SMG6: variants seen among roughly 807,000 people sequenced by gnomAD.
SMG6 encodes the protein SMG6 nonsense mediated mRNA decay factor.
Under a neutral mutation model 142.2 loss-of-function variants are expected in SMG6, and 66 were observed. The observed-to-expected ratio is 0.46, with a 90% CI of 0.38 to 0.57. The LOEUF (loss-of-function observed/expected upper bound fraction) is 0.57. SMG6 is among the 20% of genes least tolerant of loss of function. The pLI is 0.00. For missense variants in SMG6, 1,793 were observed against 1,832.0 expected (o/e 0.98, Z 0.39); for synonymous variants, 779 against 702.4 (o/e 1.11, Z -1.72).
intron 10 of SMG6, among the ~76,000 whole-genome samples, chr17:2,197,917 T>C (rs1483811904): frequency 6.6e-6 from 1 of 152,232 alleles, no homozygotes; most frequent in East Asian, 1.9e-4. Context: ...GGAAAATAGT[T>C]TGGCAGTTTC....
At chr17:2,166,105 G>A (rs375857474) in intron 13 of SMG6, among the ~76,000 whole-genome samples, 1 of 151,986 alleles carries the variant, frequency 6.6e-6, no homozygotes. Flanking sequence ...ACAGCTACTC[G>A]GGAGGCTGAG....
chr17:2,226,726 A>C (rs989928541), intron 10 of SMG6, among the ~76,000 whole-genome samples: 6 of 151,906 alleles, frequency 3.9e-5, no homozygotes, highest in African/African-American at 1.5e-4. Flanking sequence ...GAAACCCCGT[A>C]TCTACTAAAA....
At chr17:2,212,082 G>C (rs551278833) in intron 10 of SMG6, among the ~76,000 whole-genome samples, 1 of 152,168 alleles carries the variant, frequency 6.6e-6, no homozygotes, top group African/African-American at 2.4e-5. Flanking sequence ...TAATGCCAGC[G>C]TGTCTGTTTG....
At chr17:2,111,302 A>T (rs1283250389) in intron 13 of SMG6, among the ~76,000 whole-genome samples, 1 of 152,158 alleles carries the variant, frequency 6.6e-6, no homozygotes, top group African/African-American at 2.4e-5. Context: ...CAGGGTGGGG[A>T]AGAGTATTGC....
At chr17:2,088,850 A>C (rs2068637348) in intron 13 of SMG6, 1 of 985,174 alleles carries the variant, frequency 1.0e-6, no homozygotes, top group African/African-American at 1.7e-5. Context: ...GGGGGGAATA[A>C]GCCCACTGGG....
chr17:2,103,228 ATCGT>A (rs1391060791), intron 13 of SMG6, among the ~76,000 whole-genome samples: 2 of 152,138 alleles, frequency 1.3e-5, no homozygotes, highest in African/African-American at 4.8e-5. Context: ...GGAGGAAAGG[ATCGT>A]TCTGCCACTG....
At chr17:2,230,739 A>G (rs752296720) in intron 10 of SMG6, among the ~76,000 whole-genome samples, 28 of 152,188 alleles carry the variant, frequency 1.8e-4, no homozygotes, top group Admixed American at 3.3e-4. Flanking sequence ...TCTCCCCCAC[A>G]GGGAAAGAGG....
chr17:2,236,745 ACACACAC>A (rs865807082), intron 9 of SMG6, 108 bp from the exon 10 acceptor site: 1 of 843,544 alleles, frequency 1.2e-6, no homozygotes, highest in Non-Finnish European at 1.6e-6. Context: ...ACACACACAC[ACACACAC>A]CAGACAACTA....
chr17:2,082,136 C>T (rs2068442170), intron 14 of SMG6, 180 bp from the exon 15 acceptor site: 1 of 609,678 alleles, frequency 1.6e-6, no homozygotes, highest in African/African-American at 1.9e-5. Flanking sequence ...CAAAAGCTGT[C>T]ACTCTTCCCC....
intron 10 of SMG6, among the ~76,000 whole-genome samples, chr17:2,189,220 C>T (rs1212317576): frequency 2.0e-5 from 3 of 152,188 alleles, no homozygotes; most frequent in South Asian, 2.1e-4. Flanking sequence ...ACCCTCTTCC[C>T]GTCACTTTTT....
chr17:2,121,854 G>C (rs2069712654), intron 13 of SMG6, among the ~76,000 whole-genome samples: 1 of 151,764 alleles, frequency 6.6e-6, no homozygotes, highest in African/African-American at 2.4e-5. Context: ...CTTTTCTTTT[G>C]AGATAGTCTC....
At chr17:2,207,089 T>C (rs534212115) in intron 10 of SMG6, among the ~76,000 whole-genome samples, 2 of 123,094 alleles carry the variant, frequency 1.6e-5, no homozygotes, top group South Asian at 2.5e-4. Flanking sequence ...CTGGCCAACA[T>C]GGTGAAATCT....
intron 10 of SMG6, among the ~76,000 whole-genome samples, chr17:2,205,257 T>C (rs575744923): frequency 1.3e-4 from 20 of 152,042 alleles, no homozygotes; most frequent in Admixed American, 9.8e-4. Flanking sequence ...TTAGTAGAAA[T>C]TGAGTTTCAC....
chr17:2,077,327 T>G (rs2068287198), intron 15 of SMG6, among the ~76,000 whole-genome samples: 1 of 152,132 alleles, frequency 6.6e-6, no homozygotes, highest in East Asian at 1.9e-4. Context: ...AAATGAAGCC[T>G]GAAGAGTGTC....
chr17:2,289,324 C>A (rs531981515), intron 6 of SMG6, among the ~76,000 whole-genome samples: 2 of 151,926 alleles, frequency 1.3e-5, no homozygotes, highest in Non-Finnish European at 2.9e-5. Context: ...GGGAGGCCAA[C>A]GCAAGAGGAT....
intron 10 of SMG6, among the ~76,000 whole-genome samples, chr17:2,203,853 G>A (rs1322898906): frequency 6.6e-6 from 1 of 152,244 alleles, no homozygotes; most frequent in Admixed American, 6.5e-5. Context: ...GATAATGCCT[G>A]CAGACACCCT....
chr17:2,263,797 C>A (rs574356000), intron 8 of SMG6, among the ~76,000 whole-genome samples: 16 of 152,048 alleles, frequency 1.1e-4, no homozygotes, highest in Non-Finnish European at 1.8e-4. Flanking sequence ...GGAAGGATCA[C>A]GAGCCAAGAA....
In SMG6 at chr17:2,300,011, C is replaced by G. The variant is rs1036698111; in HGVS notation, c.742G>C (p.Asp248His). Residue 248 changes from aspartate (D) to histidine (H), a missense_variant, in exon 2 of 19, where the codon GAC (aspartate) becomes CAC (histidine). Coordinates refer to ENST00000263073, the MANE Select transcript of SMG6 (RefSeq NM_017575.5). ...GTGCGGTAGCGATTCCTTCGTTTGTCTGAGCGGGAGTAGCGCTTTGCGGAG... is the reference window on the plus strand; with the variant it reads ...GTGCGGTAGCGATTCCTTCGTTTGTGTGAGCGGGAGTAGCGCTTTGCGGAG... ...PGSAKRYSRS[D>H]KRRNRYRTRS... 1.2e-6 allele frequency: 2 copies of G among 1,614,194 alleles called. No individual in the cohort carries two copies.
chr17:2,263,290 G>A (rs1386492838), intron 8 of SMG6, among the ~76,000 whole-genome samples: 1 of 152,022 alleles, frequency 6.6e-6, no homozygotes, highest in Non-Finnish European at 1.5e-5. Flanking sequence ...AAGACACCAC[G>A]CAACACAAAC....
Sources: allele counts gnomAD v4.1 joint callset (sites outside exome capture counted in the v4.1 genomes callset), GRCh38; gene constraint gnomAD v4.1.1; transcripts MANE v1.5; gene names NCBI Gene and HGNC (gene_info 2026-07-23, HGNC 2026-07-21).